COBL: variants seen among roughly 807,000 people sequenced by gnomAD.
The protein encoded by COBL is cordon-bleu WH2 repeat protein.
COBL carries 51 observed loss-of-function variants against 98.8 expected under a neutral mutation model. That is an observed-to-expected ratio of 0.52 (90% CI 0.41 to 0.65). COBL has a LOEUF of 0.65. Ranked by LOEUF, COBL falls within the 30% of genes least tolerant of loss-of-function variation. The probability of loss-of-function intolerance (pLI) is 0.00; values close to 1 mark genes in which losing one functional copy is unlikely to be tolerated. For missense variants in COBL, 1,617 were observed against 1,617.5 expected, an observed-to-expected ratio of 1.00 and a Z score of 0.01; for synonymous variants, 634 against 651.7, an observed-to-expected ratio of 0.97 and a Z score of 0.41.
At position 51,028,702 on chromosome 7, in the gene COBL, C is replaced by T. The variant is rs142910342; in HGVS notation, c.2394G>A (p.Thr798=). 154 of 1,613,564 alleles carry T rather than the reference C, an allele frequency of 9.5e-5. No individual in the cohort carries two copies. The highest frequency in any genetic ancestry group is 1.5e-4 in the South Asian group (14 of 91,000). The change falls in exon 10 of 13, where the codon ACG becomes ACA. Residue 798 remains threonine (T), a synonymous_variant. Transcript: ENST00000265136. The part of the protein sequence containing the change: ...ARGPPSTPVP[T]QTQNPESRLQ... ...GTCTGCTCTCTGGATTCTGCGTCTG[C>T]GTGGGCACAGGGGTGGAGGGGGGTC...
At chr7:51,132,158 G>A (rs1433839829) in intron 6 of COBL, among the ~76,000 whole-genome samples, 1 of 152,214 alleles carries the variant, frequency 6.6e-6, no homozygotes, top group Non-Finnish European at 1.5e-5. Context: ...GGTTAACACA[G>A]AACCCCGGCT....
chr7:51,303,276 C>A (rs1489233074), intron 1 of COBL, among the ~76,000 whole-genome samples: 1 of 152,076 alleles, frequency 6.6e-6, no homozygotes, highest in African/African-American at 2.4e-5. Context: ...ATCAACAATC[C>A]CGGGCCGGGC....
chr7:51,074,096 A>G (rs768015739), intron 7 of COBL, among the ~76,000 whole-genome samples: 2 of 151,966 alleles, frequency 1.3e-5, no homozygotes, highest in African/African-American at 2.4e-5. Flanking sequence ...AGCACCCAAA[A>G]CCTCCTGAGA....
At chr7:51,137,312 G>A (rs547604017) in intron 5 of COBL, among the ~76,000 whole-genome samples, 1 of 152,240 alleles carries the variant, frequency 6.6e-6, no homozygotes, top group South Asian at 2.1e-4. Context: ...TACAAACCTT[G>A]GGCAAATTTT....
intron 2 of COBL, among the ~76,000 whole-genome samples, chr7:51,195,728 T>A (rs754522267): frequency 1.3e-4 from 20 of 152,156 alleles, no homozygotes; most frequent in Non-Finnish European, 2.6e-4. Flanking sequence ...TTAGCTTCAT[T>A]CCTAGGTATT....
chr7:51,218,442 A>G lies in COBL; in HGVS notation c.245+1299T>C, dbSNP rs138558739. Among the ~76,000 whole-genome samples, 371 of 152,348 alleles carry G rather than the reference A, an allele frequency of 2.4e-3. 1 individual carries two copies. Among genetic ancestry groups the G allele is most frequent in the African/African-American group, 8.0e-3 (331 of 41,576 alleles). On this transcript the variant is annotated intron_variant, in intron 2 of 12. Coordinates refer to ENST00000265136, the MANE Select transcript of COBL (RefSeq NM_015198.5). ...CACCGTTATCCATTAAAATTACTCA[A>G]GCAAACTGCTTCATAAGAATAAAAC...
rs189285284 is a variant in COBL, at chr7:51,017,576, G to A, written c.3769-8C>T. ...TCACACGAGCAAGGGCACCTGCAGG[G>A]AAGAGAGATTCACAGTTATTTGGTA... is the stretch of plus-strand genomic sequence containing the variant. On this transcript the variant is annotated splice_region_variant and splice_polypyrimidine_tract_variant and intron_variant, in intron 12 of 12. Transcript: ENST00000265136. 1.3e-4 allele frequency: 205 copies of A among 1,613,874 alleles called. 2 individuals are homozygous for A. The East Asian group carries it at 4.5e-3, about 36-fold the overall frequency.
chr7:51,137,741 T>G (rs534687161), intron 5 of COBL, among the ~76,000 whole-genome samples: 2 of 152,230 alleles, frequency 1.3e-5, no homozygotes, highest in Non-Finnish European at 2.9e-5. Context: ...GAGAACTGTA[T>G]GTAATCCCAG....
At chr7:51,242,573 C>A (rs534827498) in intron 1 of COBL, among the ~76,000 whole-genome samples, 1 of 152,234 alleles carries the variant, frequency 6.6e-6, no homozygotes, top group Admixed American at 6.5e-5. Flanking sequence ...AGCTGTCCAC[C>A]GACCCTGCTA....
intron 1 of COBL, among the ~76,000 whole-genome samples, chr7:51,248,724 A>C (rs1796478168): frequency 1.3e-5 from 2 of 152,218 alleles, no homozygotes; most frequent in African/African-American, 4.8e-5. Flanking sequence ...ATTTTAATTT[A>C]AAAGAACTAG....
At chr7:51,259,496 G>A (rs771442767) in intron 1 of COBL, 13 of 625,748 alleles carry the variant, frequency 2.1e-5, no homozygotes, top group Non-Finnish European at 3.8e-5. Context: ...CCATCTCCTT[G>A]AGGAAACCCA....
intron 2 of COBL, among the ~76,000 whole-genome samples, chr7:51,208,438 G>GT (rs953352853): frequency 1.4e-5 from 2 of 147,150 alleles, no homozygotes; most frequent in African/African-American, 5.0e-5. Flanking sequence ...GAGGGAGGTG[G>GT]GGGGGGTCAG....
intron 6 of COBL, among the ~76,000 whole-genome samples, chr7:51,088,274 A>G (rs763572181): frequency 3.3e-5 from 5 of 152,054 alleles, no homozygotes; most frequent in African/African-American, 7.2e-5. Context: ...AATTAATTCA[A>G]CACTGAGGAT....
intron 2 of COBL, among the ~76,000 whole-genome samples, chr7:51,214,982 T>A (rs888965991): frequency 4.6e-5 from 7 of 152,152 alleles, no homozygotes; most frequent in Non-Finnish European, 1.0e-4. Context: ...GCTTCTCACA[T>A]AAACCGGCAT....
At position 51,316,784 on chromosome 7, in the gene COBL, G is replaced by A. The variant is rs1008333110; in HGVS notation, c.-151C>T. Reference sequence around the variant, plus strand: ...GCGGAGGACAGCGGCGGAGCGCGGCGGACGGAAGGGGCTGGAATCGTCTCT... The same window carrying A: ...GCGGAGGACAGCGGCGGAGCGCGGCAGACGGAAGGGGCTGGAATCGTCTCT... On this transcript the variant is annotated 5_prime_UTR_variant, in exon 1 of 13. Coordinates refer to ENST00000265136, the MANE Select transcript of COBL (RefSeq NM_015198.5). The A allele has an allele frequency of 1.7e-4, 93 of 544,556 alleles. No homozygotes were observed. The highest frequency in any genetic ancestry group is 2.2e-4 in the Non-Finnish European group (84 of 374,614). 33.7% of individuals were successfully genotyped at this position (544,556 alleles called of 1,614,324 possible). A position where few individuals can be genotyped will look rare whatever the true frequency, so the allele number is the denominator to read the frequency against.
At chr7:51,198,722 C>G (rs1378106212) in intron 2 of COBL, among the ~76,000 whole-genome samples, 1 of 152,136 alleles carries the variant, frequency 6.6e-6, no homozygotes. Context: ...AGATTGGGAA[C>G]TCACAGGGCA....
chr7:51,297,394 T>G (rs1433886261), intron 1 of COBL, among the ~76,000 whole-genome samples: 2 of 146,566 alleles, frequency 1.4e-5, no homozygotes, highest in East Asian at 4.0e-4. Context: ...TGAAAATCTT[T>G]TTTTTTTTTT....
Position 51,028,345 on chromosome 7 carries a change from G to T in COBL, c.2751C>A (p.Ser917Arg). The change falls in exon 10 of 13, where the codon AGC becomes AGA. Residue 917 changes from serine to arginine, a missense_variant. This residue lies in a region of COBL where 1,304 missense variants were observed against 1,282.0 expected (regional missense o/e 1.02). Transcript: ENST00000265136. The part of the protein sequence containing the change: ...PVTVKDDRTS[S>R]PHSETQGWKD... ...TCCATCCTTGTGTCTCTGAGTGTGG[G>T]CTGGATGTCCTGTCATCTTTCACAG... 6.2e-7 allele frequency: 1 copy of T among 1,614,240 alleles called. No individual in the cohort carries two copies. Among genetic ancestry groups the T allele is most frequent in the Middle Eastern group, 1.6e-4 (1 of 6,062 alleles).
intron 2 of COBL, among the ~76,000 whole-genome samples, chr7:51,199,517 T>C (rs1438300790): frequency 2.0e-5 from 3 of 152,076 alleles, no homozygotes; most frequent in Non-Finnish European, 4.4e-5. Context: ...GAATCCAAAA[T>C]AGCCATCTTA....
Sources: allele counts gnomAD v4.1 joint callset (sites outside exome capture counted in the v4.1 genomes callset), GRCh38; gene constraint gnomAD v4.1.1; regional missense constraint gnomAD v4.1.1; transcripts MANE v1.5; gene names NCBI Gene and HGNC (gene_info 2026-07-23, HGNC 2026-07-21).